The following AKR1C8 variants were observed in gnomAD, a reference collection of about 807,000 sequenced individuals.
AKR1C8 encodes aldo-keto reductase family 1 member C8, also known as aldo-keto reductase family 1 member C-like protein 1.
chr10:5,123,924 C>T, the AKR1C8 span: 19 of 1,224,620 alleles, frequency 1.6e-5, no homozygotes, highest in South Asian at 1.2e-4. Context: ...ATATGTGTAG[C>T]ATCAAATTTG....
chr10:5,132,115 G>A, the AKR1C8 span, among the ~76,000 whole-genome samples: 2 of 152,078 alleles, frequency 1.3e-5, no homozygotes, highest in Non-Finnish European at 2.9e-5. Context: ...CTTATAAGTG[G>A]GAACTAAGCT....
At chr10:5,175,368 C>T in the AKR1C8 span, among the ~76,000 whole-genome samples, 13 of 151,946 alleles carry the variant, frequency 8.6e-5, no homozygotes, top group African/African-American at 2.2e-4. Flanking sequence ...CTTAGTCCAG[C>T]CTATCATTGT....
chr10:5,178,509 A>C, the AKR1C8 span, among the ~76,000 whole-genome samples: 6 of 152,114 alleles, frequency 3.9e-5, no homozygotes, highest in Non-Finnish European at 8.8e-5. Flanking sequence ...CTTGGTGCAG[A>C]GCTGAGTTCA....
the AKR1C8 span, among the ~76,000 whole-genome samples, chr10:5,131,460 C>T: frequency 3.3e-5 from 5 of 151,934 alleles, no homozygotes; most frequent in Non-Finnish European, 7.4e-5. Flanking sequence ...CCAGAATCTC[C>T]AAGGAACTCA....
the AKR1C8 span, among the ~76,000 whole-genome samples, chr10:5,144,288 A>C: frequency 0.031 from 4,640 of 152,102 alleles, 214 homozygotes; most frequent in African/African-American, 0.11. Flanking sequence ...CTTGTAGTAT[A>C]GTTTGAAGTC....
the AKR1C8 span, among the ~76,000 whole-genome samples, chr10:5,134,656 T>C: frequency 6.6e-6 from 1 of 152,336 alleles, no homozygotes; most frequent in Middle Eastern, 3.4e-3. Flanking sequence ...TACTCTGTCA[T>C]GCTCAAGGCC....
the AKR1C8 span, among the ~76,000 whole-genome samples, chr10:5,140,170 G>A: frequency 6.6e-6 from 1 of 152,186 alleles, no homozygotes; most frequent in African/African-American, 2.4e-5. Context: ...AGGATGTGGA[G>A]AAATAGGAAT....
At chr10:5,167,952 T>C in the AKR1C8 span, among the ~76,000 whole-genome samples, 1 of 152,254 alleles carries the variant, frequency 6.6e-6, no homozygotes, top group East Asian at 1.9e-4. Flanking sequence ...TAACTGTGGT[T>C]ATTATGTTGT....
chr10:5,177,828 C>A, the AKR1C8 span, among the ~76,000 whole-genome samples: 2 of 152,020 alleles, frequency 1.3e-5, no homozygotes, highest in African/African-American at 4.8e-5. Context: ...TGGTGATATC[C>A]CCTTTATCAT....
chr10:5,122,235 C>A, the AKR1C8 span: 1 of 287,098 alleles, frequency 3.5e-6, no homozygotes, highest in Non-Finnish European at 7.2e-6. Flanking sequence ...AATCCAAGGA[C>A]TTTGCAAGGG....
the AKR1C8 span, among the ~76,000 whole-genome samples, chr10:5,139,742 C>G: frequency 6.2e-4 from 95 of 152,054 alleles, no homozygotes; most frequent in Middle Eastern, 3.4e-3. Flanking sequence ...TAGGCATGGG[C>G]AAGGACATCA....
the AKR1C8 span, chr10:5,132,513 C>T: frequency 2.5e-6 from 3 of 1,223,008 alleles, no homozygotes; most frequent in Non-Finnish European, 3.2e-6. Flanking sequence ...AAGCACAATT[C>T]ACCCACCTAC....
At chr10:5,129,632 C>T in the AKR1C8 span, among the ~76,000 whole-genome samples, 1 of 151,912 alleles carries the variant, frequency 6.6e-6, no homozygotes, top group Non-Finnish European at 1.5e-5. Context: ...TTCAAGACAA[C>T]TAAGAACACC....
the AKR1C8 span, among the ~76,000 whole-genome samples, chr10:5,160,621 A>G: frequency 6.6e-6 from 1 of 152,194 alleles, no homozygotes; most frequent in Non-Finnish European, 1.5e-5. Flanking sequence ...CTTAGAAGTT[A>G]CAATTAAAAT....
At chr10:5,178,625 G>T in the AKR1C8 span, among the ~76,000 whole-genome samples, 2 of 152,166 alleles carry the variant, frequency 1.3e-5, no homozygotes, top group African/African-American at 4.8e-5. Flanking sequence ...AAGTCTCTTT[G>T]TAGGTCACTC....
the AKR1C8 span, among the ~76,000 whole-genome samples, chr10:5,179,854 T>C: frequency 6.6e-6 from 1 of 152,210 alleles, no homozygotes; most frequent in Non-Finnish European, 1.5e-5. Context: ...TCTGTATTTG[T>C]TATTCTAGTT....
chr10:5,178,208 T>G, the AKR1C8 span, among the ~76,000 whole-genome samples: 9 of 152,212 alleles, frequency 5.9e-5, no homozygotes, highest in Admixed American at 5.9e-4. Context: ...TCAAAGAACA[T>G]CTTTATTTCT....
At chr10:5,162,785 T>A in the AKR1C8 span, 6 of 418,274 alleles carry the variant, frequency 1.4e-5, no homozygotes, top group Non-Finnish European at 3.0e-5. Flanking sequence ...TTAGACCATG[T>A]TTTCATTTCA....
the AKR1C8 span, among the ~76,000 whole-genome samples, chr10:5,153,652 G>A: frequency 6.6e-6 from 1 of 152,114 alleles, no homozygotes; most frequent in East Asian, 1.9e-4. Flanking sequence ...TGTGGCCAGA[G>A]CAGCAGGAAG....
Sources: allele counts gnomAD v4.1 joint callset (sites outside exome capture counted in the v4.1 genomes callset), GRCh38; gene constraint gnomAD v4.1.1; transcripts MANE v1.5; gene names NCBI Gene and HGNC (gene_info 2026-07-23, HGNC 2026-07-21).